The following GRK3 variants were observed in gnomAD, a reference collection of about 807,000 sequenced individuals.
GRK3 encodes the protein G protein-coupled receptor kinase 3, also known as adrenergic, beta, receptor kinase 2.
Under a neutral mutation model 95.7 loss-of-function variants are expected in GRK3, and 54 were observed. The ratio of observed to expected loss-of-function variants is 0.56; its 90% confidence interval spans 0.45 to 0.71. The LOEUF is 0.71. Ranked by LOEUF, GRK3 falls within the 30% of genes least tolerant of loss-of-function variation. The pLI, the probability that GRK3 is intolerant of heterozygous loss-of-function variation, is 0.00. For synonymous variants in GRK3, 281 were observed against 290.8 expected (o/e 0.97, Z 0.34); for missense variants, 649 against 851.2 (o/e 0.76, Z 2.96).
chr22:25,657,652 T>C (rs1288956191), intron 3 of GRK3, among the ~76,000 whole-genome samples: 5 of 152,120 alleles, frequency 3.3e-5, no homozygotes, highest in Non-Finnish European at 7.4e-5. Flanking sequence ...TAATTTTAGA[T>C]ATTGTATTTA....
At chr22:25,681,718 G>A (rs1474056366) in intron 9 of GRK3, among the ~76,000 whole-genome samples, 1 of 152,208 alleles carries the variant, frequency 6.6e-6, no homozygotes, top group African/African-American at 2.4e-5. Flanking sequence ...TCATGGTCCT[G>A]TTTTATCACA....
intron 15 of GRK3, among the ~76,000 whole-genome samples, chr22:25,705,230 G>A (rs2085290898): frequency 6.6e-6 from 1 of 152,074 alleles, no homozygotes; most frequent in South Asian, 2.1e-4. Context: ...CCTCTCAAAA[G>A]TTGAAACGCT....
chr22:25,607,005 ATTGT>A, intron 2 of GRK3, among the ~76,000 whole-genome samples: 1 of 152,346 alleles, frequency 6.6e-6, no homozygotes, highest in Non-Finnish European at 1.5e-5. Context: ...ATAGAAGCAA[ATTGT>A]TTATGTTAAA....
intron 2 of GRK3, among the ~76,000 whole-genome samples, chr22:25,632,470 C>G (rs1294549842): frequency 6.6e-6 from 1 of 152,098 alleles, no homozygotes; most frequent in Non-Finnish European, 1.5e-5. Context: ...AATATTTTCT[C>G]CAAATATGTG....
intron 11 of GRK3, among the ~76,000 whole-genome samples, chr22:25,688,184 T>C (rs998749415): frequency 2.9e-5 from 4 of 139,392 alleles, no homozygotes; most frequent in Non-Finnish European, 6.0e-5. Flanking sequence ...TGCAGTGAGC[T>C]GAGATTGCAC....
intron 13 of GRK3, chr22:25,702,745 C>T (rs2085268358): frequency 6.6e-6 from 3 of 453,406 alleles, no homozygotes; most frequent in Non-Finnish European, 1.3e-5. Context: ...AGGTACCTAC[C>T]GTGTACTGCC....
At chr22:25,612,879 A>G (rs1208502669) in intron 2 of GRK3, among the ~76,000 whole-genome samples, 4 of 152,012 alleles carry the variant, frequency 2.6e-5, no homozygotes, top group African/African-American at 4.8e-5. Flanking sequence ...AGCAGTTTCT[A>G]TAATAATAAA....
intron 6 of GRK3, among the ~76,000 whole-genome samples, chr22:25,668,818 G>GAGAGA (rs1370676213): frequency 2.0e-5 from 3 of 152,156 alleles, no homozygotes; most frequent in African/African-American, 7.2e-5. Context: ...AGGGAGAAGG[G>GAGAGA]AGAGAGGGGA....
At chr22:25,671,253 T>C (rs2084980088) in intron 6 of GRK3, among the ~76,000 whole-genome samples, 1 of 152,046 alleles carries the variant, frequency 6.6e-6, no homozygotes, top group Admixed American at 6.6e-5. Context: ...GGCAGAAGAA[T>C]GGCGTGAACC....
chr22:25,595,794 A>C (rs1421609480), intron 1 of GRK3, among the ~76,000 whole-genome samples: 1 of 151,672 alleles, frequency 6.6e-6, no homozygotes, highest in Non-Finnish European at 1.5e-5. Context: ...AAAAAAAAAT[A>C]ATAATTACTG....
At chr22:25,620,009 TGTGTGTGTGTG>T (rs2084571103) in intron 2 of GRK3, among the ~76,000 whole-genome samples, 26 of 92,654 alleles carry the variant, frequency 2.8e-4, no homozygotes, top group African/African-American at 6.9e-4. Context: ...GTCTTTTTTG[TGTGTGTGTGTG>T]TGTGTGTGTG....
Position 25,648,285 on chromosome 22 carries a change from GAAC to G in GRK3, c.264+3624_264+3626del, listed in dbSNP as rs1353341351. ...TGGTAGATACTATATCACAACCAGA[GAAC>G]AACTTGATACTCTGCAGAAATTGGC... is the stretch of plus-strand genomic sequence containing the variant. On this transcript the variant is annotated intron_variant, in intron 3 of 20. Coordinates refer to ENST00000324198, the MANE Select transcript of GRK3 (RefSeq NM_005160.4). 4 of 903,394 alleles carry G rather than the reference GAAC, an allele frequency of 4.4e-6. No homozygotes were observed. The African/African-American group carries it at 6.5e-5, about 15-fold the overall frequency. 56.0% of individuals were successfully genotyped at this position (903,394 alleles called of 1,614,324 possible).
chr22:25,615,349 G>A (rs1383415876), intron 2 of GRK3, among the ~76,000 whole-genome samples: 2 of 152,082 alleles, frequency 1.3e-5, no homozygotes, highest in Non-Finnish European at 2.9e-5. Flanking sequence ...TGACAGTGGG[G>A]GACGATGGGG....
chr22:25,566,126 A>T (rs1244035997), intron 1 of GRK3, among the ~76,000 whole-genome samples: 1 of 151,560 alleles, frequency 6.6e-6, no homozygotes, highest in African/African-American at 2.4e-5. Context: ...TCAGTGATGG[A>T]TTTTTTTTTC....
At chr22:25,673,326 T>G (rs1376901807) in intron 7 of GRK3, among the ~76,000 whole-genome samples, 1 of 152,156 alleles carries the variant, frequency 6.6e-6, no homozygotes, top group Admixed American at 6.5e-5. Context: ...CCTCCCGAAG[T>G]GCTGGGATTA....
chr22:25,599,599 A>G (rs1486831183), intron 1 of GRK3, among the ~76,000 whole-genome samples: 9 of 151,622 alleles, frequency 5.9e-5, no homozygotes, highest in Admixed American at 3.9e-4. Flanking sequence ...CTCAAAAAAA[A>G]AAAAAAAGAA....
intron 2 of GRK3, among the ~76,000 whole-genome samples, chr22:25,615,383 T>C (rs1286308381): frequency 6.6e-6 from 1 of 152,128 alleles, no homozygotes; most frequent in East Asian, 1.9e-4. Flanking sequence ...TTAAGAGCCC[T>C]CAATTGGTTT....
In GRK3 at chr22:25,720,634, G is replaced by A. The variant is rs577397342; in HGVS notation, c.1792-650G>A. On this transcript the variant is annotated intron_variant, in intron 19 of 20. Coordinates refer to ENST00000324198, the MANE Select transcript of GRK3 (RefSeq NM_005160.4). ...TGGGACTACAGGAGCCCGCTACCAC[G>A]CCCGGCTAATTTTTGTATTTTTAGT... 6.6e-5 allele frequency among the ~76,000 whole-genome samples: 10 copies of A among 151,832 alleles called. 1 individual carries two copies. The highest frequency in any genetic ancestry group is 1.9e-4 in the East Asian group (1 of 5,148).
In GRK3 at chr22:25,604,343, G is replaced by A. The variant is rs776997431; in HGVS notation, c.114-34G>A. 2.6e-6 allele frequency: 4 copies of A among 1,515,332 alleles called. No individual in the cohort carries two copies. In the Admixed American group the frequency reaches 5.2e-5, roughly 20 times the overall value. The allele number at this position is 1,515,332 out of a possible 1,614,324, so 93.9% of individuals were successfully genotyped here. On this transcript the variant is annotated intron_variant, in intron 1 of 20. Coordinates refer to ENST00000324198, the MANE Select transcript of GRK3 (RefSeq NM_005160.4). Reference sequence around the variant, plus strand: ...GGGATGGTTACTCACGATGTAGGCTGTATTGTTAAAAATGTGTCACTCTTC... The same window carrying A: ...GGGATGGTTACTCACGATGTAGGCTATATTGTTAAAAATGTGTCACTCTTC...
Sources: allele counts gnomAD v4.1 joint callset (sites outside exome capture counted in the v4.1 genomes callset), GRCh38; gene constraint gnomAD v4.1.1; transcripts MANE v1.5; gene names NCBI Gene and HGNC (gene_info 2026-07-23, HGNC 2026-07-21).